The following R3HDM2 variants were observed in gnomAD, a reference collection of about 807,000 sequenced individuals.
The protein encoded by R3HDM2 is R3H domain containing 2, also known as R3H domain-containing protein 2.
In R3HDM2, 38 loss-of-function variants were observed where a neutral mutation model predicts 124.5. That is an observed-to-expected ratio of 0.31 (90% CI 0.24 to 0.40). The LOEUF (loss-of-function observed/expected upper bound fraction) is 0.40, where lower values mean the gene tolerates loss of function less well. Ranked by LOEUF, R3HDM2 falls within the 10% of genes least tolerant of loss-of-function variation. The probability of loss-of-function intolerance (pLI) is 1.00; values close to 1 mark genes in which losing one functional copy is unlikely to be tolerated. For synonymous variants in R3HDM2, 391 were observed against 448.0 expected, an observed-to-expected ratio of 0.87 and a Z score of 1.61; for missense variants, 869 against 1,236.9, an observed-to-expected ratio of 0.70 and a Z score of 4.46.
intron 2 of R3HDM2, among the ~76,000 whole-genome samples, chr12:57,338,572 G>C (rs2059154883): frequency 6.6e-6 from 1 of 152,072 alleles, no homozygotes; most frequent in African/African-American, 2.4e-5. Flanking sequence ...TTGCATTTTT[G>C]GTAGAGACGA....
At chr12:57,336,877 A>G (rs1373186103) in intron 2 of R3HDM2, among the ~76,000 whole-genome samples, 1 of 152,042 alleles carries the variant, frequency 6.6e-6, no homozygotes, top group Non-Finnish European at 1.5e-5. Context: ...GAGCTAGGCA[A>G]TGCTAATGTT....
chr12:57,354,307 T>G (rs1351352052), intron 2 of R3HDM2, among the ~76,000 whole-genome samples: 1 of 152,000 alleles, frequency 6.6e-6, no homozygotes, highest in Non-Finnish European at 1.5e-5. Flanking sequence ...TTTCTTGTTG[T>G]TTTTGAGACA....
intron 2 of R3HDM2, among the ~76,000 whole-genome samples, chr12:57,343,338 C>A (rs776191412): frequency 2.0e-5 from 3 of 151,736 alleles, no homozygotes; most frequent in African/African-American, 7.3e-5. Flanking sequence ...TACAGACATG[C>A]GCCACCAGGC....
intron 2 of R3HDM2, among the ~76,000 whole-genome samples, chr12:57,313,390 T>C (rs1178736620): frequency 1.3e-5 from 2 of 151,630 alleles, no homozygotes; most frequent in Non-Finnish European, 2.9e-5. Flanking sequence ...TGAGACCCTG[T>C]CTCTACAAAA....
At chr12:57,349,229 A>C (rs2060396206) in intron 2 of R3HDM2, among the ~76,000 whole-genome samples, 1 of 150,876 alleles carries the variant, frequency 6.6e-6, no homozygotes, top group Non-Finnish European at 1.5e-5. Context: ...AAATACAAAA[A>C]ATTAGCCGGG....
At chr12:57,374,675 T>C (rs1371715538) in intron 2 of R3HDM2, among the ~76,000 whole-genome samples, 1 of 72,804 alleles carries the variant, frequency 1.4e-5, no homozygotes, top group Non-Finnish European at 2.5e-5. Context: ...AAGAGAGAAA[T>C]TCTATCTTAA....
At chr12:57,320,261 C>CAAAAAAAAAAAAA (rs56207989) in intron 2 of R3HDM2, among the ~76,000 whole-genome samples, 679 of 14,224 alleles carry the variant, frequency 0.048, 197 homozygotes, top group South Asian at 0.096. Context: ...AACTCTATCT[C>CAAAAAAAAAAAAA]AAAAAAAAAA....
In R3HDM2 at chr12:57,353,643, G is replaced by A. The variant is rs1351500546; in HGVS notation, c.-36+42106C>T. 2.6e-5 allele frequency among the ~76,000 whole-genome samples: 4 copies of A among 151,602 alleles called. 1 individual carries two copies. The highest frequency in any genetic ancestry group is 7.3e-5 in the African/African-American group (3 of 41,248). ...TTGCTCAAGCTGGCCTCAAACTCTTGGACTCCAGGATCCTCCCACCTCACC... is the reference window on the plus strand; with the variant it reads ...TTGCTCAAGCTGGCCTCAAACTCTTAGACTCCAGGATCCTCCCACCTCACC... On this transcript the variant is annotated intron_variant, in intron 2 of 23. Transcript: ENST00000402412.
chr12:57,362,751 A>T (rs1593939029), intron 2 of R3HDM2, among the ~76,000 whole-genome samples: 1 of 152,168 alleles, frequency 6.6e-6, no homozygotes, highest in East Asian at 1.9e-4. Flanking sequence ...ATTATCTTTT[A>T]AATTTTTTTT....
intron 1 of R3HDM2, among the ~76,000 whole-genome samples, chr12:57,426,605 C>G (rs929362922): frequency 2.6e-5 from 4 of 152,140 alleles, no homozygotes; most frequent in Admixed American, 2.6e-4. Flanking sequence ...TTGGAAGGGA[C>G]ATGAACAAAC....
chr12:57,347,622 A>T (rs748438685), intron 2 of R3HDM2, among the ~76,000 whole-genome samples: 2 of 152,216 alleles, frequency 1.3e-5, no homozygotes, highest in African/African-American at 4.8e-5. Flanking sequence ...GTCCAAATAC[A>T]TTTTTAAAAA....
chr12:57,331,771 G>A (rs1052543621), intron 2 of R3HDM2, among the ~76,000 whole-genome samples: 2 of 151,968 alleles, frequency 1.3e-5, no homozygotes, highest in Non-Finnish European at 2.9e-5. Flanking sequence ...AAAATTAGCC[G>A]GGCGTGGTGG....
Position 57,361,473 on chromosome 12 carries a change from G to T in R3HDM2, c.-36+34276C>A, listed in dbSNP as rs115169669. Reference sequence around the variant, plus strand: ...AACTGAGGCAGGAGGATCATTTGAGGCTGGGAGTTCAAGACTAGCCTGGCC... The same window carrying T: ...AACTGAGGCAGGAGGATCATTTGAGTCTGGGAGTTCAAGACTAGCCTGGCC... On this transcript the variant is annotated intron_variant, in intron 2 of 23. Coordinates refer to ENST00000402412, the MANE Select transcript of R3HDM2 (RefSeq NM_001394031.1). Among the ~76,000 whole-genome samples, 301 of 151,656 alleles carry T rather than the reference G, an allele frequency of 2.0e-3. 2 individuals are homozygous for T. The highest frequency in any genetic ancestry group is 6.8e-3 in the African/African-American group (283 of 41,326).
intron 12 of R3HDM2, among the ~76,000 whole-genome samples, chr12:57,287,088 C>T (rs1257033597): frequency 1.3e-5 from 2 of 152,058 alleles, no homozygotes; most frequent in African/African-American, 4.8e-5. Flanking sequence ...TGTGGTGTAG[C>T]GAAGAGGACA....
chr12:57,416,851 C>T (rs1038808088), intron 1 of R3HDM2, among the ~76,000 whole-genome samples: 1 of 150,842 alleles, frequency 6.6e-6, no homozygotes, highest in Non-Finnish European at 1.5e-5. Context: ...GTGACTCACA[C>T]TTGTAATCCC....
At chr12:57,316,503 C>T (rs2055046662) in intron 2 of R3HDM2, among the ~76,000 whole-genome samples, 1 of 151,026 alleles carries the variant, frequency 6.6e-6, no homozygotes, top group Admixed American at 6.6e-5. Flanking sequence ...ATCTTGGATG[C>T]AGATGATACC....
intron 16 of R3HDM2, 27 bp downstream of exon 16, chr12:57,269,296 C>T: frequency 6.2e-7 from 1 of 1,611,382 alleles, no homozygotes; most frequent in Non-Finnish European, 8.5e-7. Flanking sequence ...TTATTCACTG[C>T]CTTCTTAAAC....
chr12:57,416,228 G>A (rs1207759910), intron 1 of R3HDM2, among the ~76,000 whole-genome samples: 4 of 152,118 alleles, frequency 2.6e-5, no homozygotes, highest in Non-Finnish European at 5.9e-5. Context: ...TATGTATGTA[G>A]GGAGGGAGCA....
In R3HDM2 at chr12:57,312,883, C is replaced by G. The variant is rs899352082; in HGVS notation, c.-35-2420G>C. Among the ~76,000 whole-genome samples, 5 of 141,712 alleles carry G rather than the reference C, an allele frequency of 3.5e-5. No homozygotes were observed. In the Admixed American group the frequency reaches 3.7e-4, roughly 11 times the overall value. The allele number at this position is 141,712 out of a possible 152,430, so 93.0% of individuals were successfully genotyped here. On this transcript the variant is annotated intron_variant, in intron 2 of 23. Transcript: ENST00000402412. Reference sequence around the variant, plus strand: ...GGCAGAAGTTGCGGTGAGCCAAGGTCGCACCACTGCACTCCAGCCTGGGTG... The same window carrying G: ...GGCAGAAGTTGCGGTGAGCCAAGGTGGCACCACTGCACTCCAGCCTGGGTG...
Sources: gnomAD v4.1 joint callset for allele counts (sites outside exome capture counted in the v4.1 genomes callset) on GRCh38, gnomAD v4.1.1 for gene constraint, MANE v1.5 for transcripts, NCBI Gene and HGNC (gene_info 2026-07-23, HGNC 2026-07-21) for gene names.